The following SCML2 variants were observed in gnomAD, a reference collection of about 807,000 sequenced individuals.
SCML2 encodes sex comb on midleg-like protein 2.
In SCML2, 6 loss-of-function variants were observed where a neutral mutation model predicts 48.4. The ratio of observed to expected loss-of-function variants is 0.12; its 90% CI spans 0.07 to 0.24. The LOEUF (loss-of-function observed/expected upper bound fraction) is 0.24, where lower values mean the gene tolerates loss of function less well. Ranked by LOEUF, SCML2 falls within the 10% of genes least tolerant of loss-of-function variation. SCML2 has a pLI of 1.00. For missense variants in SCML2, 377 were observed against 528.2 expected, an observed-to-expected ratio of 0.71 and a Z score of 2.81; for synonymous variants, 181 against 189.5, an observed-to-expected ratio of 0.95 and a Z score of 0.37.
intron 7 of SCML2, among the ~76,000 whole-genome samples, chrX:18,283,233 C>T (rs896156960): frequency 2.2e-4 from 25 of 111,811 alleles, no homozygotes; most frequent in Non-Finnish European, 2.6e-4. Flanking sequence ...AAAAAGCTTT[C>T]GATAAAACCC....
rs188395803 is a variant in SCML2 at position 18,344,745 on chromosome X, C to G, written c.-25+9847G>C. On this transcript the variant is annotated intron_variant, in intron 1 of 14. Transcript: ENST00000251900. ...GTAGAACTGTAAGTCCATTAAACCT[C>G]TTTTTCTTATAAATTGCCCAGTTTC... 2.7e-5 allele frequency among the ~76,000 whole-genome samples: 3 copies of G among 111,940 alleles called. No individual in the cohort carries two copies. The Admixed American group carries it at 2.9e-4, about 11-fold the overall frequency.
chrX:18,313,777 A>G (rs1377861769), intron 6 of SCML2, among the ~76,000 whole-genome samples: 2 of 112,022 alleles, frequency 1.8e-5, no homozygotes, highest in Non-Finnish European at 3.8e-5. Flanking sequence ...CTTTATCCCC[A>G]ACCAGTATGT....
intron 7 of SCML2, among the ~76,000 whole-genome samples, chrX:18,301,578 C>T (rs891614847): frequency 4.5e-5 from 5 of 110,996 alleles, no homozygotes; most frequent in Admixed American, 1.9e-4. Context: ...TCAAGACCAG[C>T]CCGGACAATA....
intron 6 of SCML2, among the ~76,000 whole-genome samples, chrX:18,311,023 T>C (rs1006516736): frequency 8.9e-6 from 1 of 111,893 alleles, no homozygotes; most frequent in African/African-American, 3.2e-5. Context: ...ACACTTTCTT[T>C]ATTTAGCATA....
At chrX:18,272,323 A>G (rs939744591) in intron 7 of SCML2, among the ~76,000 whole-genome samples, 1 of 112,344 alleles carries the variant, frequency 8.9e-6, no homozygotes, top group Non-Finnish European at 1.9e-5. Context: ...ATACCCTTTA[A>G]GAACACCTCA....
chrX:18,283,742 T>G (rs1415184431), intron 7 of SCML2, among the ~76,000 whole-genome samples: 1 of 111,481 alleles, frequency 9.0e-6, no homozygotes, highest in African/African-American at 3.3e-5. Context: ...AGGTGAAAGA[T>G]TTCTACAAGA....
chrX:18,260,335 TTAATATATTCTTAGA>T (rs757032597), intron 8 of SCML2, 44 bp from the exon 9 acceptor site: 15 of 984,681 alleles, frequency 1.5e-5, no homozygotes, highest in Non-Finnish European at 1.9e-5. Context: ...ACAATACTCA[TTAATATATTCTTAGA>T]TAAGAAAGTC....
At chrX:18,331,063 C>G (rs1929639521) in intron 2 of SCML2, among the ~76,000 whole-genome samples, 1 of 108,659 alleles carries the variant, frequency 9.2e-6, no homozygotes, top group African/African-American at 3.4e-5. Context: ...AGTTTGAGAC[C>G]AGCCAGGCCA....
intron 3 of SCML2, among the ~76,000 whole-genome samples, chrX:18,330,146 G>C (rs1336067444): frequency 1.8e-5 from 2 of 111,527 alleles, no homozygotes; most frequent in Non-Finnish European, 3.8e-5. Flanking sequence ...TGGCCAGTAA[G>C]GAGTGAGGAC....
chrX:18,332,824 A>T lies in SCML2; in HGVS notation c.22+1226T>A, dbSNP rs755940937. On this transcript the variant is annotated intron_variant, in intron 2 of 14. Coordinates refer to ENST00000251900, the MANE Select transcript of SCML2 (RefSeq NM_006089.3). ...ACCCAGTCTCCACAAAAATTTTTTT[A>T]AAAAATTAGCCAGGTGTGGTGGCAC... Among the ~76,000 whole-genome samples, 57 of 109,623 alleles carry T rather than the reference A, an allele frequency of 5.2e-4. No individual in the cohort carries two copies. In the Middle Eastern group the frequency reaches 0.024, roughly 45 times the overall value.
At chrX:18,271,666 C>G (rs1270953403) in intron 7 of SCML2, among the ~76,000 whole-genome samples, 1 of 109,664 alleles carries the variant, frequency 9.1e-6, no homozygotes, top group Non-Finnish European at 1.9e-5. Context: ...CCCCCACCCC[C>G]CTGCCCAGTG....
At chrX:18,276,181 C>T (rs1306256769) in intron 7 of SCML2, among the ~76,000 whole-genome samples, 4 of 110,526 alleles carry the variant, frequency 3.6e-5, no homozygotes, top group Non-Finnish European at 1.9e-5. Flanking sequence ...TGTAGTTCCG[C>T]TACTCGGGAG....
intron 1 of SCML2, among the ~76,000 whole-genome samples, chrX:18,347,563 C>A (rs185172320): frequency 9.3e-6 from 1 of 107,236 alleles, no homozygotes; most frequent in East Asian, 2.9e-4. Context: ...ACCAGCCTGG[C>A]CAACATGGCA....
At chrX:18,325,067 A>T in intron 3 of SCML2, 90 bp from the exon 4 acceptor site, 1 of 487,490 alleles carries the variant, frequency 2.1e-6, no homozygotes, top group Non-Finnish European at 3.3e-6. Flanking sequence ...AATGGGTTTT[A>T]GTTCCATGCC....
intron 1 of SCML2, 22 bp downstream of exon 1, chrX:18,354,570 G>A: frequency 3.6e-6 from 1 of 274,298 alleles, no homozygotes; most frequent in Non-Finnish European, 6.5e-6. Flanking sequence ...CATTCCTTAC[G>A]GGGCCCGGAA....
intron 7 of SCML2, among the ~76,000 whole-genome samples, chrX:18,281,941 T>C (rs1927873173): frequency 9.1e-6 from 1 of 109,593 alleles, no homozygotes. Context: ...CTGATCAACA[T>C]GGAGAAACCC....
intron 7 of SCML2, among the ~76,000 whole-genome samples, chrX:18,285,716 G>T (rs752697614): frequency 8.5e-4 from 95 of 111,330 alleles, no homozygotes; most frequent in Non-Finnish European, 1.6e-3. Context: ...TTAGTTTTTT[G>T]TTTTTTCCTC....
At chrX:18,281,866 G>A (rs1013364077) in intron 7 of SCML2, among the ~76,000 whole-genome samples, 1 of 111,531 alleles carries the variant, frequency 9.0e-6, no homozygotes, top group Non-Finnish European at 1.9e-5. Flanking sequence ...GCTCACGCCT[G>A]TAATCCCAGC....
chrX:18,288,655 C>T (rs775437196), intron 7 of SCML2, among the ~76,000 whole-genome samples: 2 of 111,647 alleles, frequency 1.8e-5, no homozygotes, highest in South Asian at 7.6e-4. Context: ...ATTTCTTTAA[C>T]CACACTTCAA....
Sources: allele counts gnomAD v4.1 joint callset (sites outside exome capture counted in the v4.1 genomes callset), GRCh38; gene constraint gnomAD v4.1.1; transcripts MANE v1.5; gene names NCBI Gene and HGNC (gene_info 2026-07-23, HGNC 2026-07-21).